AUTS2: variants seen among roughly 807,000 people sequenced by gnomAD.
AUTS2 encodes the protein autism susceptibility gene 2 protein.
In AUTS2, 17 loss-of-function variants were observed where a neutral mutation model predicts 112.4. The ratio of observed to expected loss-of-function variants is 0.15; its 90% confidence interval spans 0.10 to 0.23. AUTS2 has a LOEUF of 0.23. AUTS2 is among the 10% of genes least tolerant of loss of function. The pLI is 1.00. For missense variants in AUTS2, 1,510 were observed against 1,701.6 expected (o/e 0.89, Z 1.98); for synonymous variants, 751 against 702.7 (o/e 1.07, Z -1.09).
intron 2 of AUTS2, among the ~76,000 whole-genome samples, chr7:70,054,537 C>G (rs1801905822): frequency 6.6e-6 from 1 of 152,048 alleles, no homozygotes; most frequent in Non-Finnish European, 1.5e-5. Flanking sequence ...CAGTGTTTAC[C>G]AAAAGCTCCT....
intron 2 of AUTS2, among the ~76,000 whole-genome samples, chr7:70,092,789 A>G (rs1803987417): frequency 6.6e-6 from 1 of 151,974 alleles, no homozygotes; most frequent in Non-Finnish European, 1.5e-5. Context: ...TTCCCACTTT[A>G]TTTCTGCCTG....
intron 2 of AUTS2, among the ~76,000 whole-genome samples, chr7:69,995,329 A>G (rs914553708): frequency 6.6e-6 from 1 of 152,204 alleles, no homozygotes; most frequent in African/African-American, 2.4e-5. Flanking sequence ...TGAATGAATA[A>G]TAATTTCTTT....
intron 1 of AUTS2, among the ~76,000 whole-genome samples, chr7:69,753,192 C>T (rs1787810966): frequency 6.6e-6 from 1 of 152,124 alleles, no homozygotes; most frequent in Non-Finnish European, 1.5e-5. Context: ...GTGCCTGGCA[C>T]ACAAGAGGTG....
rs1789917056 is a variant in AUTS2 at position 70,766,030 on chromosome 7, GCCCCGTACC to G, written c.1469-81_1469-73del. 5 of 1,549,804 alleles carry G rather than the reference GCCCCGTACC, an allele frequency of 3.2e-6. No individual in the cohort carries two copies. In the South Asian group the frequency reaches 6.2e-5, roughly 19 times the overall value. On this transcript the variant is annotated intron_variant, in intron 8 of 18. Coordinates refer to ENST00000342771, the MANE Select transcript of AUTS2 (RefSeq NM_015570.4). This position sits in a 1 kb window ranked among gnomAD's most constrained non-coding sequence, Gnocchi z 4.8. Reference sequence around the variant, plus strand: ...TGTCACCCCTGCCACTGTGTCACCAGCCCCGTACCCCTCCACAGGAAGGCAGTCCGATGT... The same window carrying G: ...TGTCACCCCTGCCACTGTGTCACCAGCCTCCACAGGAAGGCAGTCCGATGT...
chr7:70,581,130 A>G (rs1802415878), intron 5 of AUTS2, among the ~76,000 whole-genome samples: 1 of 151,990 alleles, frequency 6.6e-6, no homozygotes, highest in Admixed American at 6.6e-5. Context: ...CGCTTGTAAT[A>G]CCAGTACTTT....
At chr7:69,663,174 C>G (rs1795880088) in intron 1 of AUTS2, 1 of 152,186 alleles carries the variant, frequency 6.6e-6, no homozygotes, top group Admixed American at 6.5e-5. Flanking sequence ...AGCTGGTACT[C>G]TTATTGTCAA....
At chr7:69,636,478 G>GCC (rs1794529707) in intron 1 of AUTS2, among the ~76,000 whole-genome samples, 9 of 27,562 alleles carry the variant, frequency 3.3e-4, no homozygotes, top group Admixed American at 9.9e-4. Flanking sequence ...CAAGTGATCC[G>GCC]CGCCCCCCCC....
intron 2 of AUTS2, among the ~76,000 whole-genome samples, chr7:70,042,084 G>A (rs771583666): frequency 6.6e-6 from 1 of 152,046 alleles, no homozygotes. Flanking sequence ...CATTGTGTGT[G>A]TTATTGGAAA....
At chr7:70,598,501 A>T (rs1020427500) in intron 5 of AUTS2, among the ~76,000 whole-genome samples, 12 of 152,198 alleles carry the variant, frequency 7.9e-5, no homozygotes, top group African/African-American at 2.7e-4. Flanking sequence ...CTAAGAGTTG[A>T]TTAAAGATCA....
chr7:70,727,731 G>A (rs1787122617), intron 6 of AUTS2, among the ~76,000 whole-genome samples: 1 of 152,194 alleles, frequency 6.6e-6, no homozygotes, highest in Non-Finnish European at 1.5e-5. Flanking sequence ...ATGTATCCCA[G>A]GATCTATGTC....
intron 5 of AUTS2, among the ~76,000 whole-genome samples, chr7:70,441,293 C>T (rs1796113463): frequency 6.6e-6 from 1 of 152,158 alleles, no homozygotes; most frequent in Non-Finnish European, 1.5e-5. Context: ...GTGTCCTGTA[C>T]CCAGGACAGC....
At chr7:70,547,652 G>A (rs1800843644) in intron 5 of AUTS2, among the ~76,000 whole-genome samples, 1 of 152,158 alleles carries the variant, frequency 6.6e-6, no homozygotes, top group African/African-American at 2.4e-5. Flanking sequence ...TCCGTTAATT[G>A]CTGAATAGTA....
chr7:70,772,312 A>G (rs920315636), intron 11 of AUTS2, among the ~76,000 whole-genome samples: 1 of 152,204 alleles, frequency 6.6e-6, no homozygotes, highest in African/African-American at 2.4e-5. Context: ...ATAAAAATCA[A>G]ATTCTGTTCT....
intron 2 of AUTS2, among the ~76,000 whole-genome samples, chr7:70,087,025 T>C (rs1803644574): frequency 6.6e-6 from 1 of 151,800 alleles, no homozygotes; most frequent in South Asian, 2.1e-4. Context: ...GTGGTGAGAG[T>C]GTACATGCGT....
At chr7:70,188,473 A>G (rs1389992325) in intron 4 of AUTS2, among the ~76,000 whole-genome samples, 2 of 152,214 alleles carry the variant, frequency 1.3e-5, no homozygotes, top group African/African-American at 4.8e-5. Context: ...ATGCAGAGGA[A>G]CAAATGGAGG....
chr7:69,660,292 G>A (rs1002791197), intron 1 of AUTS2, among the ~76,000 whole-genome samples: 1 of 152,162 alleles, frequency 6.6e-6, no homozygotes, highest in Admixed American at 6.5e-5. Context: ...GCTTTTTATA[G>A]CAGCTTTCAT....
In AUTS2 at chr7:69,980,401, A is replaced by T. The variant is rs143656369; in HGVS notation, c.522+80903A>T. Among the ~76,000 whole-genome samples, 789 of 152,316 alleles carry T rather than the reference A, an allele frequency of 5.2e-3. 14 individuals carry two copies. The highest frequency in any genetic ancestry group is 0.018 in the African/African-American group (737 of 41,570). ...TGCAGAGAAACTTCCTTGGAGTTATATAATTGATTTTTGGAACCTCATTTG... is the reference window on the plus strand; with the variant it reads ...TGCAGAGAAACTTCCTTGGAGTTATTTAATTGATTTTTGGAACCTCATTTG... On this transcript the variant is annotated intron_variant, in intron 2 of 18. Transcript: ENST00000342771.
At chr7:70,379,448 G>A (rs1448199674) in intron 4 of AUTS2, among the ~76,000 whole-genome samples, 1 of 151,736 alleles carries the variant, frequency 6.6e-6, no homozygotes, top group Non-Finnish European at 1.5e-5. Flanking sequence ...GTTGCAGTGA[G>A]CTGAGATTGC....
chr7:70,382,532 C>T (rs1468621519), intron 4 of AUTS2, among the ~76,000 whole-genome samples: 1 of 152,186 alleles, frequency 6.6e-6, no homozygotes, highest in Non-Finnish European at 1.5e-5. Flanking sequence ...GCCACCCTCC[C>T]TTTCAAATCT....
Sources: gnomAD v4.1 joint callset for allele counts (sites outside exome capture counted in the v4.1 genomes callset) on GRCh38, gnomAD v4.1.1 for gene constraint, Gnocchi (gnomAD v3.1) non-coding constraint, MANE v1.5 for transcripts, NCBI Gene and HGNC (gene_info 2026-07-23, HGNC 2026-07-21) for gene names.